WWC2: variants seen among roughly 807,000 people sequenced by gnomAD.
WWC2 encodes the protein protein WWC2.
Under a neutral mutation model 138.5 loss-of-function variants are expected in WWC2, and 101 were observed. The ratio of observed to expected loss-of-function variants is 0.73; its 90% CI spans 0.62 to 0.86. The LOEUF (loss-of-function observed/expected upper bound fraction) is 0.86, where lower values mean the gene tolerates loss of function less well. Ranked by LOEUF, WWC2 falls within the 40% of genes least tolerant of loss-of-function variation. The probability of loss-of-function intolerance (pLI) is 0.00; values close to 1 mark genes in which losing one functional copy is unlikely to be tolerated. For synonymous variants in WWC2, 558 were observed against 538.4 expected (o/e 1.04, Z -0.50); for missense variants, 1,420 against 1,419.4 (o/e 1.00, Z -0.01).
At chr4:183,101,763 T>G (rs1054973272) in intron 1 of WWC2, among the ~76,000 whole-genome samples, 1 of 152,006 alleles carries the variant, frequency 6.6e-6, no homozygotes, top group Non-Finnish European at 1.5e-5. Context: ...CCAATAGGAG[T>G]GTGTGGATTC....
At chr4:183,140,179 A>T (rs1733259344) in intron 1 of WWC2, among the ~76,000 whole-genome samples, 3 of 152,212 alleles carry the variant, frequency 2.0e-5, no homozygotes, top group Admixed American at 2.0e-4. Flanking sequence ...CTTGTAAATG[A>T]ATGAATGAAT....
At chr4:183,117,215 C>CTTTTTTTTTTTTTTT (rs923478529) in intron 1 of WWC2, among the ~76,000 whole-genome samples, 1 of 95,670 alleles carries the variant, frequency 1.0e-5, no homozygotes, top group Non-Finnish European at 2.0e-5. Context: ...CATTCTTCTT[C>CTTTTTTTTTTTTTTT]TTTTTTTTTT....
intron 1 of WWC2, among the ~76,000 whole-genome samples, chr4:183,158,723 T>TA (rs1733873398): frequency 6.6e-6 from 1 of 152,026 alleles, no homozygotes; most frequent in African/African-American, 2.4e-5. Context: ...CAGAAACTAG[T>TA]AAAAACTGTA....
chr4:183,170,000 A>G (rs111400568), intron 1 of WWC2, among the ~76,000 whole-genome samples: 64 of 152,220 alleles, frequency 4.2e-4, no homozygotes, highest in Non-Finnish European at 9.0e-4. Flanking sequence ...TCAAAAGAAC[A>G]GTATCATTCA....
chr4:183,272,153 A>G (rs1293663298), intron 16 of WWC2, among the ~76,000 whole-genome samples: 1 of 152,176 alleles, frequency 6.6e-6, no homozygotes, highest in Non-Finnish European at 1.5e-5. Flanking sequence ...TTAGATTATG[A>G]GGAAGGCATT....
At chr4:183,151,332 G>T (rs868504556) in intron 1 of WWC2, among the ~76,000 whole-genome samples, 1 of 152,220 alleles carries the variant, frequency 6.6e-6, no homozygotes, top group Non-Finnish European at 1.5e-5. Flanking sequence ...CTGCATAAAT[G>T]TCTTCTTTTG....
chr4:183,151,173 T>C (rs1733626399), intron 1 of WWC2, among the ~76,000 whole-genome samples: 1 of 152,212 alleles, frequency 6.6e-6, no homozygotes, highest in African/African-American at 2.4e-5. Context: ...AAAGCATTCC[T>C]ATTTCTCCAC....
chr4:183,231,145 T>G (rs79023321), intron 4 of WWC2, among the ~76,000 whole-genome samples: 3 of 151,674 alleles, frequency 2.0e-5, no homozygotes, highest in Non-Finnish European at 4.4e-5. Context: ...TTTAAAATTA[T>G]ATATAATAGC....
At chr4:183,148,946 C>T (rs190739000) in intron 1 of WWC2, among the ~76,000 whole-genome samples, 2,118 of 149,630 alleles carry the variant, frequency 0.014, 18 homozygotes, top group Non-Finnish European at 0.022. Context: ...TTTTTTTTTT[C>T]GTAATTGGAG....
intron 4 of WWC2, among the ~76,000 whole-genome samples, chr4:183,209,587 T>G (rs1560844346): frequency 6.6e-6 from 1 of 152,122 alleles, no homozygotes; most frequent in Non-Finnish European, 1.5e-5. Context: ...AAAATTTGAG[T>G]CTTGTAACTT....
rs1015077624 is a variant in WWC2 at position 183,099,269 on chromosome 4, C to G, written c.-223C>G. ...GCGAGGGGGAGGAGGGTTCGCTCGC[C>G]GGCTCCGACGCAGACATGGTGGACT... is the stretch of plus-strand genomic sequence containing the variant. On this transcript the variant is annotated 5_prime_UTR_variant, in exon 1 of 23. Transcript: ENST00000403733. 1 of 256,276 alleles carries G rather than the reference C, an allele frequency of 3.9e-6. No homozygotes were observed. The highest frequency in any genetic ancestry group is 2.3e-5 in the African/African-American group (1 of 43,860). 15.9% of individuals were successfully genotyped at this position (256,276 alleles called of 1,614,324 possible).
intron 21 of WWC2, among the ~76,000 whole-genome samples, chr4:183,306,833 A>G (rs751808134): frequency 1.2e-4 from 18 of 150,816 alleles, no homozygotes; most frequent in Non-Finnish European, 2.4e-4. Context: ...GACCAGGATA[A>G]CAATTCTTAG....
rs1439239933 is a variant in WWC2 at position 183,193,646 on chromosome 4, C to T, written c.179C>T (p.Pro60Leu). The change falls in exon 2 of 23, where the codon CCG (proline) becomes CTG (leucine). Residue 60 changes from proline to leucine, a missense_variant. By Grantham distance (98) the Pro-to-Leu change is moderately conservative. Coordinates refer to ENST00000403733, the MANE Select transcript of WWC2 (RefSeq NM_024949.6). ...SFADCVGDEL[P>L]WGWEAGFDPQ... ...GCTGATTGTGTTGGGGATGAGCTGC[C>T]GTGGGGATGGGAAGCAGGGTTTGAC... The T allele has an allele frequency of 6.8e-6, 11 of 1,613,818 alleles. No individual in the cohort carries two copies. The highest frequency in any genetic ancestry group is 1.3e-5 in the African/African-American group (1 of 74,974).
chr4:183,280,247 T>TTTTTTTTTTC, intron 16 of WWC2, among the ~76,000 whole-genome samples: 1 of 147,660 alleles, frequency 6.8e-6, no homozygotes, highest in African/African-American at 2.5e-5. Flanking sequence ...TTTTTTTTTT[T>TTTTTTTTTTC]TTTTTTTGCT....
chr4:183,166,862 T>C (rs1435908960), intron 1 of WWC2, among the ~76,000 whole-genome samples: 1 of 152,224 alleles, frequency 6.6e-6, no homozygotes, highest in Admixed American at 6.5e-5. Flanking sequence ...CTCTGTGTCC[T>C]GAGAGCTGAA....
rs1736755539 is a variant in WWC2 at position 183,245,651 on chromosome 4, C to G, written c.732+106C>G. On this transcript the variant is annotated intron_variant, in intron 6 of 22. Transcript: ENST00000403733. ...CTCAGAGTCTGGATGACCCTTCTAC[C>G]TCTGCCACATTTGTGCAGAATGGGC... is the stretch of plus-strand genomic sequence containing the variant. 6 of 1,289,846 alleles carry G rather than the reference C, an allele frequency of 4.7e-6. No individual in the cohort carries two copies. In the East Asian group the frequency reaches 1.8e-4, roughly 38 times the overall value. The allele number at this position is 1,289,846 out of a possible 1,614,324, so 79.9% of individuals were successfully genotyped here.
At chr4:183,257,084 T>C (rs914436272) in intron 9 of WWC2, among the ~76,000 whole-genome samples, 2 of 152,206 alleles carry the variant, frequency 1.3e-5, no homozygotes, top group African/African-American at 2.4e-5. Flanking sequence ...ATCTTTCGTA[T>C]TCTTCCCATG....
At chr4:183,271,314 T>C (rs940845762) in intron 16 of WWC2, 73 bp downstream of exon 16, 19 of 1,263,534 alleles carry the variant, frequency 1.5e-5, no homozygotes, top group Non-Finnish European at 1.9e-5. Flanking sequence ...GAAAGTAATA[T>C]GAAATATGGA....
chr4:183,116,582 G>A (rs538976459), intron 1 of WWC2, among the ~76,000 whole-genome samples: 134 of 152,328 alleles, frequency 8.8e-4, no homozygotes, highest in African/African-American at 3.0e-3. Flanking sequence ...GCTAGGAAAG[G>A]CCTTTGGCCG....
Sources: gnomAD v4.1 joint callset for allele counts (sites outside exome capture counted in the v4.1 genomes callset) on GRCh38, gnomAD v4.1.1 for gene constraint, MANE v1.5 for transcripts, NCBI Gene and HGNC (gene_info 2026-07-23, HGNC 2026-07-21) for gene names.